PUDP: variants seen among roughly 807,000 people sequenced by gnomAD.
PUDP encodes the protein pseudouridine-5'-phosphatase.
Under a neutral mutation model 9.4 loss-of-function variants are expected in PUDP, and 8 were observed. That is an observed-to-expected ratio of 0.85 (90% CI 0.50 to 1.53). The LOEUF (loss-of-function observed/expected upper bound fraction) is 1.53, where lower values mean the gene tolerates loss of function less well. PUDP is among the 40% of genes most tolerant of loss of function. PUDP has a pLI of 0.00. For missense variants in PUDP, 188 were observed against 189.7 expected (o/e 0.99, Z 0.05); for synonymous variants, 99 against 80.7 (o/e 1.23, Z -1.22).
chrX:7,077,900 C>CA (rs1416321358), intron 2 of PUDP, among the ~76,000 whole-genome samples: 1 of 112,321 alleles, frequency 8.9e-6, no homozygotes, highest in Non-Finnish European at 1.9e-5. Flanking sequence ...GTGTTTTCTG[C>CA]AAAAATGCTG....
At chrX:6,910,035 A>G (rs964916747) in intron 3 of PUDP, among the ~76,000 whole-genome samples, 45 of 112,035 alleles carry the variant, frequency 4.0e-4, no homozygotes, top group African/African-American at 1.4e-3. Flanking sequence ...CTCAGTCATC[A>G]CTATGGGGAA....
At chrX:6,828,076 T>C (rs1926449747) in intron 3 of PUDP, among the ~76,000 whole-genome samples, 1 of 111,832 alleles carries the variant, frequency 8.9e-6, no homozygotes, top group South Asian at 3.8e-4. Flanking sequence ...ATGCATTAGT[T>C]TCCTGCTGCT....
chrX:6,722,614 A>G (rs1924687133), upstream of PUDP, among the ~76,000 whole-genome samples: 1 of 111,896 alleles, frequency 8.9e-6, no homozygotes. Context: ...AAGTTTCTGT[A>G]TAAAAGAAGA....
chrX:6,778,689 C>T (rs1400962171), intron 3 of PUDP, among the ~76,000 whole-genome samples: 1 of 111,928 alleles, frequency 8.9e-6, no homozygotes, highest in Non-Finnish European at 1.9e-5. Flanking sequence ...CCGAGGAGGC[C>T]GGGGACCCCT....
chrX:7,084,962 C>G (rs755174440), intron 2 of PUDP: 1 of 112,153 alleles, frequency 8.9e-6, no homozygotes, highest in Non-Finnish European at 1.9e-5. Flanking sequence ...TAGCATTCTC[C>G]TTTACACAAG....
chrX:6,963,308 G>A (rs958076910), intron 3 of PUDP, among the ~76,000 whole-genome samples: 1 of 111,267 alleles, frequency 9.0e-6, no homozygotes, highest in African/African-American at 3.3e-5. Flanking sequence ...CAGAAAGGGA[G>A]GCTGGAAATG....
At chrX:6,837,036 C>A (rs1926593474) in intron 3 of PUDP, among the ~76,000 whole-genome samples, 1 of 112,367 alleles carries the variant, frequency 8.9e-6, no homozygotes, top group Admixed American at 9.4e-5. Context: ...ATTTGGGCAC[C>A]AATGAGCGCA....
chrX:6,765,152 C>T (rs1046114112), intron 3 of PUDP, among the ~76,000 whole-genome samples: 1 of 109,657 alleles, frequency 9.1e-6, no homozygotes, highest in Non-Finnish European at 1.9e-5. Context: ...TGGTAGTGTG[C>T]ACCTGTAGTC....
At chrX:6,738,218 AAC>A (rs1569089897) in intron 3 of PUDP, among the ~76,000 whole-genome samples, 1 of 111,755 alleles carries the variant, frequency 8.9e-6, no homozygotes, top group African/African-American at 3.3e-5. Flanking sequence ...GACACTCAGA[AAC>A]ACACACAGTT....
Position 6,779,994 on chromosome X carries a change from T to G in PUDP, c.*248-73528A>C, listed in dbSNP as rs1246445978. 4.5e-5 allele frequency among the ~76,000 whole-genome samples: 5 copies of G among 110,839 alleles called. No individual in the cohort carries two copies. The East Asian group carries it at 1.4e-3, about 31-fold the overall frequency. On this transcript the variant is annotated intron_variant and NMD_transcript_variant, in intron 3 of 3. Transcript: ENST00000655425. ...CTCCCTCTTGAAGTTCTATAGCATG[T>G]TCTTGTACTTGTATCAAAAATGCCA...
rs768428756 is a variant in PUDP at position 6,995,955 on chromosome X, C to T, written c.205-17612G>A. 3.7e-5 allele frequency among the ~76,000 whole-genome samples: 4 copies of T among 108,281 alleles called. No individual in the cohort carries two copies. In the Admixed American group the frequency reaches 4.0e-4, roughly 11 times the overall value. 94.0% of individuals were successfully genotyped at this position (108,281 alleles called of 115,157 possible). On this transcript the variant is annotated intron_variant and NMD_transcript_variant, in intron 1 of 3. Transcript: ENST00000655425. Reference sequence around the variant, plus strand: ...TCTTTCTAGCTACCACTGTCTTTTCCATCTTTTGATGTTCTCTTTTTTTCT... The same window carrying T: ...TCTTTCTAGCTACCACTGTCTTTTCTATCTTTTGATGTTCTCTTTTTTTCT...
intron 3 of PUDP, among the ~76,000 whole-genome samples, chrX:6,948,874 G>A (rs1928508874): frequency 9.0e-6 from 1 of 111,653 alleles, no homozygotes; most frequent in African/African-American, 3.3e-5. Flanking sequence ...CCACTTCCAT[G>A]GAAATTTAAA....
chrX:7,079,047 G>C (rs1206143149), intron 2 of PUDP, among the ~76,000 whole-genome samples: 1 of 111,721 alleles, frequency 9.0e-6, no homozygotes, highest in Non-Finnish European at 1.9e-5. Flanking sequence ...GAATAAAAAA[G>C]AAAAACAAAA....
Position 6,720,234 on chromosome X carries a change from GTATATA to G in PUDP, n.128+1177_128+1182del, listed in dbSNP as rs1569086926. ...TATATATATATGTGTATATATGTGT[GTATATA>G]TGTATGTGTGTGTGTGTGTATATAT... On this transcript the variant is annotated intron_variant and non_coding_transcript_variant, in intron 1 of 2. Transcript: ENST00000438499. 4.4e-3 allele frequency among the ~76,000 whole-genome samples: 319 copies of G among 72,164 alleles called. 3 individuals carry two copies. The highest frequency in any genetic ancestry group is 0.017 in the African/African-American group (306 of 17,747). 62.7% of individuals were successfully genotyped at this position (72,164 alleles called of 115,157 possible).
intron 3 of PUDP, among the ~76,000 whole-genome samples, chrX:6,915,365 T>C (rs1927913718): frequency 8.9e-6 from 1 of 112,316 alleles, no homozygotes; most frequent in African/African-American, 3.2e-5. Flanking sequence ...AATTTATGAA[T>C]TCACAAATGT....
intron 3 of PUDP, among the ~76,000 whole-genome samples, chrX:6,960,089 G>A (rs1928685433): frequency 8.9e-6 from 1 of 112,132 alleles, no homozygotes; most frequent in Non-Finnish European, 1.9e-5. Flanking sequence ...ATTTAGATGA[G>A]ACTTTGGACT....
chrX:6,949,178 G>A (rs760545917), intron 3 of PUDP, among the ~76,000 whole-genome samples: 1 of 112,120 alleles, frequency 8.9e-6, no homozygotes, highest in South Asian at 3.8e-4. Flanking sequence ...CTCTTCATCC[G>A]AGTGGCCTGA....
At chrX:7,046,018 T>G (rs1434722111), downstream of PUDP, among the ~76,000 whole-genome samples, 1 of 112,600 alleles carries the variant, frequency 8.9e-6, no homozygotes, top group African/African-American at 3.2e-5. Context: ...TGATTTGCCA[T>G]CATCGGATCC....
intron 3 of PUDP, among the ~76,000 whole-genome samples, chrX:6,781,537 T>TC (rs1925562821): frequency 8.9e-6 from 1 of 112,011 alleles, no homozygotes; most frequent in Non-Finnish European, 1.9e-5. Flanking sequence ...CTCTGAAGGA[T>TC]CAAAGGTATG....
Sources: allele counts gnomAD v4.1 joint callset (sites outside exome capture counted in the v4.1 genomes callset), GRCh38; gene constraint gnomAD v4.1.1; transcripts MANE v1.5; gene names NCBI Gene and HGNC (gene_info 2026-07-23, HGNC 2026-07-21).